The following NFKB1 variants were observed in gnomAD, a reference collection of about 807,000 sequenced individuals.
NFKB1 encodes the protein nuclear factor kappa B subunit 1.
Under a neutral mutation model 105.1 loss-of-function variants are expected in NFKB1, and 9 were observed. The ratio of observed to expected loss-of-function variants is 0.09; its 90% CI spans 0.05 to 0.15. The LOEUF is 0.15. Among genes scored for constraint, NFKB1 ranks in the 10% least tolerant of loss-of-function variants. The pLI, the probability that NFKB1 is intolerant of heterozygous loss-of-function variation, is 1.00. For synonymous variants in NFKB1, 440 were observed against 442.2 expected (o/e 1.00, Z 0.06); for missense variants, 830 against 1,203.7 (o/e 0.69, Z 4.59).
chr4:102,614,784 C>G (rs1255618850), intron 23 of NFKB1, among the ~76,000 whole-genome samples: 1 of 151,982 alleles, frequency 6.6e-6, no homozygotes, highest in Non-Finnish European at 1.5e-5. Flanking sequence ...GGCTCTTCTA[C>G]ACTCACCTTT....
intron 20 of NFKB1, among the ~76,000 whole-genome samples, chr4:102,611,196 C>T (rs2149228716): frequency 6.6e-6 from 1 of 152,318 alleles, no homozygotes; most frequent in South Asian, 2.1e-4. Flanking sequence ...GTTACTAGGT[C>T]ATTTGGCCCC....
chr4:102,563,325 A>C (rs929858072), intron 5 of NFKB1, among the ~76,000 whole-genome samples: 12 of 152,160 alleles, frequency 7.9e-5, no homozygotes, highest in African/African-American at 2.9e-4. Context: ...TAATAACATA[A>C]TTACTACTGG....
intron 1 of NFKB1, chr4:102,510,941 A>G (rs1739737248): frequency 7.8e-7 from 1 of 1,285,256 alleles, no homozygotes; most frequent in African/African-American, 1.5e-5. Flanking sequence ...ATATGAAAAG[A>G]ACCACCAGGT....
chr4:102,591,439 G>T (rs1230891687), intron 11 of NFKB1, among the ~76,000 whole-genome samples: 2 of 127,426 alleles, frequency 1.6e-5, no homozygotes, highest in Non-Finnish European at 1.8e-5. Flanking sequence ...AAAAAAAAAG[G>T]CAGACTTTCT....
chr4:102,612,657 T>C, intron 22 of NFKB1, 51 bp downstream of exon 22: 1 of 1,522,908 alleles, frequency 6.6e-7, no homozygotes, highest in Non-Finnish European at 9.1e-7. Flanking sequence ...TTTACTCTGT[T>C]AACATCTCTG....
At chr4:102,521,499 C>G (rs1740570249) in intron 1 of NFKB1, among the ~76,000 whole-genome samples, 1 of 152,080 alleles carries the variant, frequency 6.6e-6, no homozygotes, top group South Asian at 2.1e-4. Context: ...CTGGATGGCA[C>G]CTAAAATTTT....
At chr4:102,507,182 C>T (rs992340286) in intron 1 of NFKB1, among the ~76,000 whole-genome samples, 4 of 151,812 alleles carry the variant, frequency 2.6e-5, no homozygotes, top group African/African-American at 9.7e-5. Context: ...AGATTAATAG[C>T]GGCAGTGTTT....
chr4:102,524,149 T>A (rs1430435434), intron 1 of NFKB1, among the ~76,000 whole-genome samples: 1 of 152,040 alleles, frequency 6.6e-6, no homozygotes, highest in Admixed American at 6.5e-5. Flanking sequence ...TTAAATAAAA[T>A]TAACCTTTAT....
chr4:102,544,211 T>A (rs966537745), intron 5 of NFKB1, among the ~76,000 whole-genome samples: 1 of 152,212 alleles, frequency 6.6e-6, no homozygotes, highest in African/African-American at 2.4e-5. Flanking sequence ...ATAGCTTGTA[T>A]CACTTTAGCT....
At position 102,614,119 on chromosome 4, in the gene NFKB1, C is replaced by T. The variant is rs555812041; in HGVS notation, c.2749+538C>T. 1.2e-4 allele frequency among the ~76,000 whole-genome samples: 19 copies of T among 152,276 alleles called. No homozygotes were observed. The East Asian group carries it at 3.7e-3, about 29-fold the overall frequency. ...TTTCTAAACCCCCAACACTCCTTCC[C>T]TCCCCTTACTCATGCAACACCCTTG... On this transcript the variant is annotated intron_variant, in intron 23 of 23. Transcript: ENST00000226574.
chr4:102,566,174 C>T (rs1177385842), intron 5 of NFKB1, among the ~76,000 whole-genome samples: 1 of 152,082 alleles, frequency 6.6e-6, no homozygotes, highest in East Asian at 1.9e-4. Flanking sequence ...GTGTTTTTTG[C>T]TAAAAATGTC....
intron 1 of NFKB1, among the ~76,000 whole-genome samples, chr4:102,515,775 G>A (rs775024118): frequency 2.0e-5 from 3 of 152,028 alleles, no homozygotes; most frequent in Non-Finnish European, 2.9e-5. Flanking sequence ...ACAGTCAATC[G>A]TCTGTTTAGG....
chr4:102,594,430 A>G (rs554694020), intron 12 of NFKB1, among the ~76,000 whole-genome samples: 1 of 152,300 alleles, frequency 6.6e-6, no homozygotes, highest in Non-Finnish European at 1.5e-5. Context: ...TTTCCCAAAG[A>G]GTTGTACCAG....
chr4:102,585,766 A>G (rs932213138), intron 11 of NFKB1, among the ~76,000 whole-genome samples: 4 of 152,172 alleles, frequency 2.6e-5, no homozygotes, highest in African/African-American at 9.7e-5. Flanking sequence ...CGTCAAGGAG[A>G]TATCATTTGG....
At chr4:102,551,213 A>G (rs1722548909) in intron 5 of NFKB1, among the ~76,000 whole-genome samples, 1 of 152,216 alleles carries the variant, frequency 6.6e-6, no homozygotes, top group Non-Finnish European at 1.5e-5. Context: ...GTTGACACAC[A>G]TGAATGTGAT....
At chr4:102,518,394 C>G (rs1740342759) in intron 1 of NFKB1, among the ~76,000 whole-genome samples, 1 of 152,084 alleles carries the variant, frequency 6.6e-6, no homozygotes, top group Non-Finnish European at 1.5e-5. Context: ...ATTGAGTAAA[C>G]TAATAGAGTA....
At chr4:102,588,069 T>G (rs1434520467) in intron 11 of NFKB1, among the ~76,000 whole-genome samples, 1 of 152,176 alleles carries the variant, frequency 6.6e-6, no homozygotes, top group Non-Finnish European at 1.5e-5. Flanking sequence ...TCTATTTATT[T>G]ATGGGTCTAT....
rs1316684361 is a variant in NFKB1, at chr4:102,596,217, G to A, written c.1380G>A (p.Gly460=). 5 of 1,613,336 alleles carry A rather than the reference G, an allele frequency of 3.1e-6. No homozygotes were observed. In the African/African-American group the frequency reaches 5.3e-5, roughly 17 times the overall value. The change falls in exon 14 of 24, where the codon GGG becomes GGA. Residue 460 remains glycine, a synonymous_variant. Transcript: ENST00000226574. The part of the protein sequence containing the change: ...SDDKNTVNLF[G]KVIETTEQDQ... Reference sequence around the variant, plus strand: ...ACAAAAACACTGTAAACCTCTTTGGGAAAGTTATTGAAACCACAGAGCAAG... The same window carrying A: ...ACAAAAACACTGTAAACCTCTTTGGAAAAGTTATTGAAACCACAGAGCAAG...
chr4:102,616,215 G>A (rs1225731471), intron 23 of NFKB1, among the ~76,000 whole-genome samples: 1 of 152,242 alleles, frequency 6.6e-6, no homozygotes, highest in Non-Finnish European at 1.5e-5. Flanking sequence ...AGATGTGAAA[G>A]CATTTGGCTA....
Sources: allele counts gnomAD v4.1 joint callset (sites outside exome capture counted in the v4.1 genomes callset), GRCh38; gene constraint gnomAD v4.1.1; transcripts MANE v1.5; gene names NCBI Gene and HGNC (gene_info 2026-07-23, HGNC 2026-07-21).